The following RTL9 variants were observed in gnomAD, a reference collection of about 807,000 sequenced individuals.
RTL9 encodes retrotransposon Gag like 9.
A neutral mutation model predicts 44.7 loss-of-function variants in RTL9; 19 were observed. That is an observed-to-expected ratio of 0.42 (90% CI 0.30 to 0.62). The LOEUF (loss-of-function observed/expected upper bound fraction) is 0.62. Ranked by LOEUF, RTL9 falls within the 20% of genes least tolerant of loss-of-function variation. RTL9 has a pLI of 0.16. For synonymous variants in RTL9, 407 were observed against 398.9 expected, an observed-to-expected ratio of 1.02 and a Z score of -0.24; for missense variants, 1,105 against 1,080.6, an observed-to-expected ratio of 1.02 and a Z score of -0.32.
chrX:110,387,519 G>T (rs907389906), intron 1 of RTL9, among the ~76,000 whole-genome samples: 1 of 112,040 alleles, frequency 8.9e-6, no homozygotes, highest in African/African-American at 3.2e-5. Flanking sequence ...AGACTTCCTA[G>T]AATCATAGTT....
At chrX:110,404,940 C>T (rs1022657173) in intron 1 of RTL9, among the ~76,000 whole-genome samples, 13 of 111,537 alleles carry the variant, frequency 1.2e-4, no homozygotes, top group Non-Finnish European at 2.1e-4. Context: ...TTCTGTCATC[C>T]GCATTCTGTT....
At chrX:110,435,345 C>T (rs1342002916) in intron 1 of RTL9, among the ~76,000 whole-genome samples, 1 of 111,922 alleles carries the variant, frequency 8.9e-6, no homozygotes, top group Non-Finnish European at 1.9e-5. Flanking sequence ...ACAAAGACCA[C>T]AACTCTACAG....
chrX:110,414,245 C>T (rs995178499), upstream of RTL9, among the ~76,000 whole-genome samples: 3 of 112,296 alleles, frequency 2.7e-5, no homozygotes, highest in African/African-American at 9.7e-5. Flanking sequence ...CCAACCTCAG[C>T]GGGGCCCTCA....
exon 1 of RTL9, chrX:110,454,161 G>C (rs753382494): frequency 2.8e-5 from 34 of 1,210,470 alleles, no homozygotes; most frequent in Non-Finnish European, 1.2e-5. Flanking sequence ...GTTTTTGGAC[G>C]ATTCAGAGAG....
chrX:110,361,125 C>G (rs1158884146), intron 1 of RTL9, among the ~76,000 whole-genome samples: 3 of 110,863 alleles, frequency 2.7e-5, no homozygotes, highest in African/African-American at 9.9e-5. Context: ...CCAACAAAAC[C>G]TGCTGCACTC....
intron 1 of RTL9, among the ~76,000 whole-genome samples, chrX:110,442,241 C>CTG (rs2068885516): frequency 9.5e-6 from 1 of 104,865 alleles, no homozygotes; most frequent in African/African-American, 3.6e-5. Context: ...CTCTCTCTCT[C>CTG]TCTCTCTGTG....
At chrX:110,417,180 C>T (rs892248425), upstream of RTL9, among the ~76,000 whole-genome samples, 7 of 112,170 alleles carry the variant, frequency 6.2e-5, no homozygotes, top group South Asian at 3.8e-4. Flanking sequence ...TCCCTCCTCT[C>T]GGCAGGCACT....
upstream of RTL9, among the ~76,000 whole-genome samples, chrX:110,450,054 T>A (rs1268606697): frequency 9.0e-6 from 1 of 111,684 alleles, no homozygotes; most frequent in Non-Finnish European, 1.9e-5. Flanking sequence ...ATTAGATAAA[T>A]GTCTCCCTTT....
intron 1 of RTL9, among the ~76,000 whole-genome samples, chrX:110,413,710 A>G (rs1159905275): frequency 9.1e-6 from 1 of 109,790 alleles, no homozygotes; most frequent in African/African-American, 3.3e-5. Flanking sequence ...GCTGGCCTCA[A>G]CGCTCTTCTT....
exon 2 of RTL9, chrX:110,455,278 G>A: frequency 8.3e-7 from 1 of 1,210,531 alleles, no homozygotes; most frequent in Non-Finnish European, 1.1e-6. Flanking sequence ...GATCACCTTG[G>A]ACAGAGCACA....
At chrX:110,380,273 A>T (rs2068409481) in intron 1 of RTL9, among the ~76,000 whole-genome samples, 1 of 112,082 alleles carries the variant, frequency 8.9e-6, no homozygotes, top group Non-Finnish European at 1.9e-5. Flanking sequence ...TCCTGAAGGG[A>T]CAATAAAAGA....
At chrX:110,375,868 C>T (rs2068373004) in intron 1 of RTL9, among the ~76,000 whole-genome samples, 1 of 111,779 alleles carries the variant, frequency 8.9e-6, no homozygotes, top group South Asian at 3.8e-4. Flanking sequence ...AATCTGTGTT[C>T]TGAACCATGT....
chrX:110,386,335 T>A (rs1181481452), intron 1 of RTL9, among the ~76,000 whole-genome samples: 2 of 109,951 alleles, frequency 1.8e-5, no homozygotes, highest in Non-Finnish European at 3.8e-5. Flanking sequence ...TTATTATTTT[T>A]ATTATATTTA....
exon 1 of RTL9, chrX:110,454,536 A>G: frequency 8.3e-7 from 1 of 1,211,875 alleles, no homozygotes; most frequent in Non-Finnish European, 1.1e-6. Context: ...GTCTCTGTAC[A>G]CCGAGTGCCA....
chrX:110,406,151 A>C (rs763164882), intron 1 of RTL9, among the ~76,000 whole-genome samples: 8 of 109,496 alleles, frequency 7.3e-5, no homozygotes, highest in African/African-American at 2.3e-4. Context: ...TTACATGTGC[A>C]GAACTTGCAG....
chrX:110,379,945 T>C (rs1031754007), intron 1 of RTL9, among the ~76,000 whole-genome samples: 2 of 111,916 alleles, frequency 1.8e-5, no homozygotes, highest in African/African-American at 6.5e-5. Flanking sequence ...GAAGAGATTA[T>C]TATAATCCTC....
intron 1 of RTL9, among the ~76,000 whole-genome samples, chrX:110,370,365 T>C (rs2068329708): frequency 9.0e-6 from 1 of 111,074 alleles, no homozygotes; most frequent in Non-Finnish European, 1.9e-5. Context: ...CCTGCCACCA[T>C]GCCCAGCTAA....
chrX:110,393,923 G>A (rs918162973), intron 1 of RTL9, among the ~76,000 whole-genome samples: 7 of 112,197 alleles, frequency 6.2e-5, no homozygotes, highest in South Asian at 3.7e-4. Flanking sequence ...ATGAAAACTC[G>A]TAAAGTACAC....
intron 1 of RTL9, among the ~76,000 whole-genome samples, chrX:110,413,722 TTAC>T (rs2068658219): frequency 9.1e-6 from 1 of 110,360 alleles, no homozygotes; most frequent in Admixed American, 9.7e-5. Context: ...GCTCTTCTTT[TTAC>T]CTCAGGAGGC....
Sources: gnomAD v4.1 joint callset for allele counts (sites outside exome capture counted in the v4.1 genomes callset) on GRCh38, gnomAD v4.1.1 for gene constraint, MANE v1.5 for transcripts, NCBI Gene and HGNC (gene_info 2026-07-23, HGNC 2026-07-21) for gene names.